TMTC2: variants seen among roughly 807,000 people sequenced by gnomAD.
TMTC2 encodes the protein protein O-mannosyl-transferase TMTC2.
Under a neutral mutation model 82.4 loss-of-function variants are expected in TMTC2, and 43 were observed. That is an observed-to-expected ratio of 0.52 (90% confidence interval 0.41 to 0.67). TMTC2 has a LOEUF of 0.67. Among genes scored for constraint, TMTC2 ranks in the 30% least tolerant of loss-of-function variants. TMTC2 has a pLI of 0.00. For synonymous variants in TMTC2, 408 were observed against 381.9 expected, an observed-to-expected ratio of 1.07 and a Z score of -0.80; for missense variants, 919 against 1,012.4, an observed-to-expected ratio of 0.91 and a Z score of 1.25.
At chr12:82,789,634 A>G (rs548038040) in intron 1 of TMTC2, among the ~76,000 whole-genome samples, 3 of 152,202 alleles carry the variant, frequency 2.0e-5, no homozygotes, top group Admixed American at 1.3e-4. Flanking sequence ...CTGATGAAAC[A>G]GTGAACTGTG....
chr12:82,827,539 A>AG (rs1869485345), intron 1 of TMTC2, among the ~76,000 whole-genome samples: 1 of 152,200 alleles, frequency 6.6e-6, no homozygotes, highest in African/African-American at 2.4e-5. Context: ...ATTGTATCCT[A>AG]GTATATTGTG....
At chr12:82,785,192 C>T (rs1878118736) in intron 1 of TMTC2, among the ~76,000 whole-genome samples, 1 of 152,070 alleles carries the variant, frequency 6.6e-6, no homozygotes, top group Non-Finnish European at 1.5e-5. Context: ...AGCACTAAAA[C>T]ATTAGATGAG....
At chr12:83,044,494 A>G (rs987118650) in intron 9 of TMTC2, among the ~76,000 whole-genome samples, 2 of 152,084 alleles carry the variant, frequency 1.3e-5, no homozygotes, top group African/African-American at 4.8e-5. Flanking sequence ...TCCGATTTCC[A>G]TTTTACCAAG....
intron 2 of TMTC2, 90 bp downstream of exon 2, chr12:82,857,670 C>A: frequency 8.1e-7 from 1 of 1,228,830 alleles, no homozygotes; most frequent in Non-Finnish European, 1.1e-6. Context: ...ATTTATTCCT[C>A]TGCAAGCGGA....
chr12:82,719,153 G>T (rs1003576494), intron 1 of TMTC2, among the ~76,000 whole-genome samples: 1 of 138,074 alleles, frequency 7.2e-6, no homozygotes, highest in African/African-American at 2.7e-5. Context: ...GAGTGCAGAG[G>T]CACGATCTCA....
chr12:82,873,428 T>G (rs764136007), intron 2 of TMTC2, among the ~76,000 whole-genome samples: 2 of 152,142 alleles, frequency 1.3e-5, no homozygotes, highest in Non-Finnish European at 2.9e-5. Flanking sequence ...TCAGGATATC[T>G]TCTTTGGGGT....
At chr12:82,986,098 C>T (rs374238343) in intron 8 of TMTC2, 52 bp downstream of exon 8, 49 of 1,612,170 alleles carry the variant, frequency 3.0e-5, no homozygotes, top group East Asian at 2.9e-4. Context: ...CCATGCAGAC[C>T]GGGATAGATG....
intron 4 of TMTC2, among the ~76,000 whole-genome samples, chr12:82,957,066 C>A (rs904242178): frequency 6.6e-6 from 1 of 152,114 alleles, no homozygotes; most frequent in African/African-American, 2.4e-5. Flanking sequence ...TACCAATAAA[C>A]CACCCAATAT....
chr12:82,912,391 AT>A (rs1188264012), intron 3 of TMTC2, among the ~76,000 whole-genome samples: 2 of 151,672 alleles, frequency 1.3e-5, no homozygotes, highest in African/African-American at 4.8e-5. Context: ...AAGAAATGTG[AT>A]TTTTTTTCTG....
At chr12:82,827,007 T>C (rs537424072) in intron 1 of TMTC2, among the ~76,000 whole-genome samples, 1 of 152,130 alleles carries the variant, frequency 6.6e-6, no homozygotes, top group Non-Finnish European at 1.5e-5. Flanking sequence ...TGGAAGGTAA[T>C]GAGGATAAAT....
At chr12:82,757,636 C>T (rs1876410594) in intron 1 of TMTC2, among the ~76,000 whole-genome samples, 1 of 152,148 alleles carries the variant, frequency 6.6e-6, no homozygotes, top group African/African-American at 2.4e-5. Flanking sequence ...TTTCAAATTG[C>T]TCCTTATTTG....
intron 1 of TMTC2, among the ~76,000 whole-genome samples, chr12:82,791,633 CCT>C (rs1390242566): frequency 6.6e-6 from 1 of 152,148 alleles, no homozygotes; most frequent in African/African-American, 2.4e-5. Flanking sequence ...TACTTAAAAA[CCT>C]CTGATTATTC....
chr12:82,826,054 T>C (rs1335192228), intron 1 of TMTC2, among the ~76,000 whole-genome samples: 1 of 152,222 alleles, frequency 6.6e-6, no homozygotes, highest in African/African-American at 2.4e-5. Flanking sequence ...CTTGGATAAA[T>C]TTATACATAT....
intron 1 of TMTC2, among the ~76,000 whole-genome samples, chr12:82,835,173 A>G (rs181071206): frequency 1.3e-5 from 2 of 152,312 alleles, no homozygotes; most frequent in African/African-American, 4.8e-5. Context: ...TATTGTCATC[A>G]TTTTAACTCG....
At chr12:82,973,557 TA>T (rs888084070) in intron 7 of TMTC2, among the ~76,000 whole-genome samples, 2 of 152,310 alleles carry the variant, frequency 1.3e-5, no homozygotes, top group South Asian at 4.1e-4. Flanking sequence ...AAGTTTCTCT[TA>T]AAAAAGTGCA....
chr12:82,763,218 A>G (rs1876748593), intron 1 of TMTC2, among the ~76,000 whole-genome samples: 1 of 152,032 alleles, frequency 6.6e-6, no homozygotes, highest in African/African-American at 2.4e-5. Context: ...AAAAATAATT[A>G]AGATATAAAA....
intron 3 of TMTC2, among the ~76,000 whole-genome samples, chr12:82,929,659 A>C (rs1474354886): frequency 6.6e-6 from 1 of 152,110 alleles, no homozygotes; most frequent in Non-Finnish European, 1.5e-5. Flanking sequence ...TCAGGACTCA[A>C]TACCCCATCT....
intron 1 of TMTC2, among the ~76,000 whole-genome samples, chr12:82,762,700 AAC>A (rs1482003982): frequency 1.5e-4 from 23 of 152,212 alleles, no homozygotes; most frequent in African/African-American, 5.3e-4. Flanking sequence ...GCCAAATAAA[AAC>A]ACAGGGAGAA....
intron 1 of TMTC2, among the ~76,000 whole-genome samples, chr12:82,719,492 TCTTA>T (rs1874091191): frequency 6.6e-6 from 1 of 152,164 alleles, no homozygotes; most frequent in Admixed American, 6.5e-5. Context: ...TTTTAGTGAC[TCTTA>T]CTTTGCAGAT....
Sources: allele counts gnomAD v4.1 joint callset (sites outside exome capture counted in the v4.1 genomes callset), GRCh38; gene constraint gnomAD v4.1.1; transcripts MANE v1.5; gene names NCBI Gene and HGNC (gene_info 2026-07-23, HGNC 2026-07-21).